Variants in ZNF514 observed in about 807,000 individuals in gnomAD.
The protein encoded by ZNF514 is zinc finger protein 514.
ZNF514 carries 12 observed loss-of-function variants against 9.7 expected under a neutral mutation model. The ratio of observed to expected loss-of-function variants is 1.24; its 90% CI spans 0.79 to 2.01. The LOEUF (loss-of-function observed/expected upper bound fraction) is 2.01, where lower values mean the gene tolerates loss of function less well. Among genes scored for constraint, ZNF514 ranks in the 30% most tolerant of loss-of-function variants. The pLI is 0.00. For missense variants in ZNF514, 467 were observed against 465.5 expected, an observed-to-expected ratio of 1.00 and a Z score of -0.03; for synonymous variants, 158 against 163.7, an observed-to-expected ratio of 0.97 and a Z score of 0.27.
Position 95,149,141 on chromosome 2 carries a change from C to G in ZNF514, c.*141G>C. On this transcript the variant is annotated 3_prime_UTR_variant, in exon 5 of 5. Coordinates refer to ENST00000295208, the MANE Select transcript of ZNF514 (RefSeq NM_032788.3). ...CCCTCTTGACATTGACAGGGATTCTCTTTAGTAATTATTGCCTGATGTGGA... is the reference window on the plus strand; with the variant it reads ...CCCTCTTGACATTGACAGGGATTCTGTTTAGTAATTATTGCCTGATGTGGA... The G allele has an allele frequency of 3.7e-6, 4 of 1,089,064 alleles. No homozygotes were observed. The South Asian group carries it at 7.1e-5, about 19-fold the overall frequency. The allele number at this position is 1,089,064 out of a possible 1,614,324, so 67.5% of individuals were successfully genotyped here. A position where few individuals can be genotyped will look rare whatever the true frequency, so the allele number is the denominator to read the frequency against.
At position 95,147,983 on chromosome 2, in the gene ZNF514, A is replaced by C. The variant is rs1673410557; in HGVS notation, c.*1299T>G. ...TTTAAACAAGGTTTCATTTCATTTC[A>C]AAAATTCCAAATCTATTAGCATAAA... On this transcript the variant is annotated 3_prime_UTR_variant, in exon 5 of 5. Coordinates refer to ENST00000295208, the MANE Select transcript of ZNF514 (RefSeq NM_032788.3). 1 of 152,226 alleles carries C rather than the reference A, an allele frequency of 6.6e-6. No individual in the cohort carries two copies. The highest frequency in any genetic ancestry group is 1.5e-5 in the Non-Finnish European group (1 of 68,050). 9.4% of individuals were successfully genotyped at this position (152,226 alleles called of 1,614,324 possible).
chr2:95,141,554 T>C (rs146981079), downstream of ZNF514, among the ~76,000 whole-genome samples: 981 of 152,320 alleles, frequency 6.4e-3, 10 homozygotes, highest in African/African-American at 0.023. Flanking sequence ...ACTCAAGTAC[T>C]GTCACCAACA....
chr2:95,124,923 C>T, the ZNF514 span, among the ~76,000 whole-genome samples: 1 of 152,088 alleles, frequency 6.6e-6, no homozygotes, highest in Non-Finnish European at 1.5e-5. Context: ...ACTCTGTCGC[C>T]CAGGCTGGAG....
chr2:95,149,528 C>T lies in ZNF514; in HGVS notation c.957G>A (p.Arg319=). The T allele has an allele frequency of 1.2e-6, 2 of 1,613,438 alleles. No homozygotes were observed. Among genetic ancestry groups the T allele is most frequent in the Non-Finnish European group, 1.7e-6 (2 of 1,179,872 alleles). ...THTGEKPYEC[R]ECGRTFSQSS... ...TCTGGCTGAAGGTTCTCCCACATTC[C>T]CGGCATTCATAGGGCTTTTCTCCAG... Residue 319 remains arginine (R), a synonymous_variant, in exon 5 of 5, where the codon CGG becomes CGA. Transcript: ENST00000295208.
the ZNF514 span, among the ~76,000 whole-genome samples, chr2:95,125,968 A>G: frequency 6.6e-6 from 1 of 152,204 alleles, no homozygotes; most frequent in Non-Finnish European, 1.5e-5. Context: ...TTATTTTGAA[A>G]TATATCCATC....
chr2:95,149,484 T>G lies in ZNF514; in HGVS notation c.1001A>C (p.His334Pro). The G allele has an allele frequency of 6.2e-7, 1 of 1,614,092 alleles. No individual in the cohort carries two copies. The highest frequency in any genetic ancestry group is 8.5e-7 in the Non-Finnish European group (1 of 1,179,996). The change falls in exon 5 of 5, where the codon CAT (histidine) becomes CCT (proline). Residue 334 changes from histidine (H) to proline (P), a missense_variant. Transcript: ENST00000295208. ...TFSQSSSLIV[H>P]YRFHTGEKPY... ...TTTCTCTCCAGTATGAAATCTGTAA[T>G]GCACAATGAGTGATGAGCTCTGGCT...
rs1673386342 is a variant in ZNF514 at position 95,147,434 on chromosome 2, TCAC to T, written c.*1845_*1847del. 6.6e-6 allele frequency: 1 copy of T among 152,194 alleles called. No individual in the cohort carries two copies. The highest frequency in any genetic ancestry group is 1.5e-5 in the Non-Finnish European group (1 of 68,038). 9.4% of individuals were successfully genotyped at this position (152,194 alleles called of 1,614,324 possible). The stretch of plus-strand genomic sequence containing the variant: ...GTGAAGTTACCAAATCGTTCAACCA[TCAC>T]CACCATCTAGTTTTAGAACATTTTC... On this transcript the variant is annotated 3_prime_UTR_variant, in exon 5 of 5. Coordinates refer to ENST00000295208, the MANE Select transcript of ZNF514 (RefSeq NM_032788.3).
chr2:95,127,049 G>C, the ZNF514 span, among the ~76,000 whole-genome samples: 2 of 152,178 alleles, frequency 1.3e-5, no homozygotes, highest in Non-Finnish European at 2.9e-5. Context: ...ATTGGTGTCA[G>C]CTCAGAGGCA....
chr2:95,134,694 A>T, the ZNF514 span, among the ~76,000 whole-genome samples: 1 of 152,230 alleles, frequency 6.6e-6, no homozygotes, highest in Non-Finnish European at 1.5e-5. Context: ...CCACTGCCAA[A>T]TCTGAGGTCA....
downstream of ZNF514, among the ~76,000 whole-genome samples, chr2:95,141,634 A>G (rs886426858): frequency 1.6e-4 from 24 of 152,220 alleles, no homozygotes; most frequent in South Asian, 4.1e-4. Flanking sequence ...ATGTTAAATC[A>G]TAAGATTTTG....
At chr2:95,152,609 G>T in intron 4 of ZNF514, 65 bp downstream of exon 4, 1 of 1,353,950 alleles carries the variant, frequency 7.4e-7, no homozygotes, top group Non-Finnish European at 1.1e-6. Flanking sequence ...CTGACCAAAG[G>T]CTCTGGGCTA....
chr2:95,150,235 T>C lies in ZNF514; in HGVS notation c.250A>G (p.Met84Val). 3.1e-6 allele frequency: 5 copies of C among 1,595,834 alleles called. No individual in the cohort carries two copies. The highest frequency in any genetic ancestry group is 4.3e-6 in the Non-Finnish European group (5 of 1,174,040). Residue 84 changes from methionine (M) to valine (V), a missense_variant, in exon 5 of 5, where the codon ATG becomes GTG. Transcript: ENST00000295208. ...TCTTTGGAAATTCCCCAACTTGGCA[T>C]TGATTCCTTGGATTTAGACCTTCTC... ...WKRRSKSKESMPSWGISKEEL... is the reference protein window; with the variant it reads ...WKRRSKSKESVPSWGISKEEL...
At chr2:95,158,477 TG>T (rs1382306348) in intron 1 of ZNF514, among the ~76,000 whole-genome samples, 1 of 152,166 alleles carries the variant, frequency 6.6e-6, no homozygotes, top group Non-Finnish European at 1.5e-5. Context: ...CCAACGCTAT[TG>T]GGGGAAGGGG....
At chr2:95,123,451 G>A in the ZNF514 span, among the ~76,000 whole-genome samples, 1 of 152,220 alleles carries the variant, frequency 6.6e-6, no homozygotes, top group Non-Finnish European at 1.5e-5. Context: ...TTCCCACTGG[G>A]AGGATTTCCC....
At chr2:95,135,357 A>G in the ZNF514 span, among the ~76,000 whole-genome samples, 9 of 150,390 alleles carry the variant, frequency 6.0e-5, no homozygotes, top group African/African-American at 2.2e-4. Flanking sequence ...ATGCCATTGT[A>G]TTACACATGG....
the ZNF514 span, among the ~76,000 whole-genome samples, chr2:95,131,872 G>A: frequency 6.6e-6 from 1 of 152,118 alleles, no homozygotes; most frequent in South Asian, 2.1e-4. Context: ...GCCAGGTGCC[G>A]TGGCTCACAC....
chr2:95,131,892 C>T, the ZNF514 span, among the ~76,000 whole-genome samples: 1 of 152,132 alleles, frequency 6.6e-6, no homozygotes, highest in East Asian at 1.9e-4. Flanking sequence ...CCTGTAATCA[C>T]AGCACTTTGG....
intron 4 of ZNF514, among the ~76,000 whole-genome samples, chr2:95,150,572 C>G (rs1046483313): frequency 1.3e-5 from 2 of 152,116 alleles, no homozygotes; most frequent in Non-Finnish European, 2.9e-5. Flanking sequence ...AGGAAATAGA[C>G]TAAGTGTAAA....
rs897087363 is a variant in ZNF514, at chr2:95,145,081, A to G, written c.*4201T>C. ...TATAGTACAAAAACATGCAGTCGGA[A>G]GCACTGAGAAAACTGGGCAACATAA... On this transcript the variant is annotated 3_prime_UTR_variant, in exon 5 of 5. Coordinates refer to ENST00000295208, the MANE Select transcript of ZNF514 (RefSeq NM_032788.3). Among the ~76,000 whole-genome samples the G allele has an allele frequency of 6.6e-6, 1 of 152,222 alleles. No homozygotes were observed. Among genetic ancestry groups the G allele is most frequent in the Non-Finnish European group, 1.5e-5 (1 of 68,042 alleles).
Sources: gnomAD v4.1 joint callset for allele counts (sites outside exome capture counted in the v4.1 genomes callset) on GRCh38, gnomAD v4.1.1 for gene constraint, MANE v1.5 for transcripts, NCBI Gene and HGNC (gene_info 2026-07-23, HGNC 2026-07-21) for gene names.